Variants in RRN3 observed in about 807,000 individuals in gnomAD.
The protein encoded by RRN3 is RNA polymerase I-specific transcription initiation factor RRN3.
In RRN3, 38 loss-of-function variants were observed where a neutral mutation model predicts 82.3. The ratio of observed to expected loss-of-function variants is 0.46; its 90% CI spans 0.36 to 0.61. The LOEUF is 0.61. Ranked by LOEUF, RRN3 falls within the 20% of genes least tolerant of loss-of-function variation. The pLI is 0.00. For missense variants in RRN3, 726 were observed against 793.1 expected (o/e 0.92, Z 1.02); for synonymous variants, 284 against 284.3 (o/e 1.00, Z 0.01).
chr16:15,074,900 C>G, intron 10 of RRN3, 39 bp from the exon 11 acceptor site: 1 of 1,571,270 alleles, frequency 6.4e-7, no homozygotes. Flanking sequence ...TTAAAAAATT[C>G]AATGTCAAAG....
At chr16:15,092,270 G>A (rs1040181416) in intron 2 of RRN3, among the ~76,000 whole-genome samples, 1 of 152,134 alleles carries the variant, frequency 6.6e-6, no homozygotes, top group Non-Finnish European at 1.5e-5. Context: ...ATTTGAAGAG[G>A]TGAAACCTCA....
At chr16:15,078,134 G>T (rs1272176871) in intron 9 of RRN3, among the ~76,000 whole-genome samples, 1 of 152,132 alleles carries the variant, frequency 6.6e-6, no homozygotes, top group Non-Finnish European at 1.5e-5. Context: ...TGTTCCTTAA[G>T]TATATACCAG....
intron 1 of RRN3, among the ~76,000 whole-genome samples, chr16:15,093,135 G>T (rs1005740047): frequency 6.6e-6 from 1 of 152,070 alleles, no homozygotes. Flanking sequence ...CTCCTGAGTA[G>T]CTGGGATTAC....
At chr16:15,083,753 G>C (rs935244802) in intron 7 of RRN3, 171 bp from the exon 8 acceptor site, 5 of 828,486 alleles carry the variant, frequency 6.0e-6, no homozygotes, top group African/African-American at 5.2e-5. Context: ...TTTCGCTCTT[G>C]TTGCCCAGGC....
At position 15,060,955 on chromosome 16, in the gene RRN3, T is replaced by C. The variant is rs1205912626; in HGVS notation, c.*789A>G. ...AGCCAAGGGGTCAAATCCAATCTCA[T>C]GTGTTTTACACAAGCCCGAACTCAC... On this transcript the variant is annotated 3_prime_UTR_variant, in exon 18 of 18. Coordinates refer to ENST00000198767, the MANE Select transcript of RRN3 (RefSeq NM_018427.5). 1 of 152,272 alleles carries C rather than the reference T, an allele frequency of 6.6e-6. No homozygotes were observed. The highest frequency in any genetic ancestry group is 6.5e-5 in the Admixed American group (1 of 15,292). 9.4% of individuals were successfully genotyped at this position (152,272 alleles called of 1,614,324 possible). A position where few individuals can be genotyped will look rare whatever the true frequency, so the allele number is the denominator to read the frequency against.
chr16:15,064,618 A>G (rs1277733080), intron 16 of RRN3, among the ~76,000 whole-genome samples: 2 of 152,212 alleles, frequency 1.3e-5, no homozygotes, highest in Non-Finnish European at 2.9e-5. Context: ...TTAACCTTAC[A>G]TGTTTAAATA....
At chr16:15,093,305 A>C (rs2046215208) in intron 1 of RRN3, among the ~76,000 whole-genome samples, 1 of 152,168 alleles carries the variant, frequency 6.6e-6, no homozygotes, top group Non-Finnish European at 1.5e-5. Flanking sequence ...CGCCCGGCCT[A>C]GATTTTTGTC....
intron 3 of RRN3, among the ~76,000 whole-genome samples, chr16:15,089,987 T>C (rs1313020581): frequency 6.6e-6 from 1 of 151,430 alleles, no homozygotes; most frequent in Non-Finnish European, 1.5e-5. Flanking sequence ...GGCGGGCAGG[T>C]CACCTGAGGT....
chr16:15,077,322 G>A (rs1234381468), intron 9 of RRN3, among the ~76,000 whole-genome samples: 2 of 152,148 alleles, frequency 1.3e-5, no homozygotes, highest in Admixed American at 6.5e-5. Flanking sequence ...AGTCACACAT[G>A]TTGCTGGGGG....
chr16:15,089,373 A>G (rs1171544719), intron 3 of RRN3, among the ~76,000 whole-genome samples: 3 of 152,272 alleles, frequency 2.0e-5, no homozygotes, highest in Admixed American at 1.3e-4. Flanking sequence ...ATTAGGACAC[A>G]GGTAGATTTC....
At chr16:15,083,465 T>C (rs1324786503) in intron 8 of RRN3, 48 bp downstream of exon 8, 5 of 1,604,710 alleles carry the variant, frequency 3.1e-6, no homozygotes, top group Admixed American at 3.4e-5. Context: ...TAAAATGAAA[T>C]CGTACAAACA....
At chr16:15,083,905 G>A (rs963437943) in intron 7 of RRN3, among the ~76,000 whole-genome samples, 2 of 152,080 alleles carry the variant, frequency 1.3e-5, no homozygotes, top group South Asian at 4.2e-4. Context: ...TAGTAGAGAC[G>A]GGGTTTCTCC....
chr16:15,079,497 C>T (rs1245658253), intron 9 of RRN3, among the ~76,000 whole-genome samples: 7 of 152,154 alleles, frequency 4.6e-5, no homozygotes, highest in African/African-American at 1.2e-4. Context: ...ATGTATTTAA[C>T]GCCTTGTTCT....
intron 3 of RRN3, among the ~76,000 whole-genome samples, chr16:15,087,588 G>C (rs1179546063): frequency 1.3e-5 from 2 of 152,064 alleles, no homozygotes; most frequent in African/African-American, 2.4e-5. Flanking sequence ...ATTTTCTGAT[G>C]AAATCCCAAG....
chr16:15,061,044 G>A lies in RRN3; in HGVS notation c.*700C>T, dbSNP rs932861697. 2.0e-5 allele frequency: 3 copies of A among 151,978 alleles called. No individual in the cohort carries two copies. Among genetic ancestry groups the A allele is most frequent in the Admixed American group, 2.0e-4 (3 of 15,264 alleles). 9.4% of individuals were successfully genotyped at this position (151,978 alleles called of 1,614,324 possible). ...TTTTGTCTTTTAAATCCATTTTTTC[G>A]CTGTGCCAAGTATATTACACATCTG... On this transcript the variant is annotated 3_prime_UTR_variant, in exon 18 of 18. Coordinates refer to ENST00000198767, the MANE Select transcript of RRN3 (RefSeq NM_018427.5).
intron 7 of RRN3, 92 bp from the exon 8 acceptor site, chr16:15,083,674 T>C (rs1423881255): frequency 6.4e-7 from 1 of 1,557,070 alleles, no homozygotes. Flanking sequence ...CAAATATTGA[T>C]AGACATAGGA....
chr16:15,061,671 C>A lies in RRN3; in HGVS notation c.*73G>T. ...TCAATGCCATCAATGCCCAATGGCA[C>A]AAGCTGGGTGCTGAGGGCATGACAA... On this transcript the variant is annotated 3_prime_UTR_variant, in exon 18 of 18. Coordinates refer to ENST00000198767, the MANE Select transcript of RRN3 (RefSeq NM_018427.5). 1 of 1,461,118 alleles carries A rather than the reference C, an allele frequency of 6.8e-7. No individual in the cohort carries two copies. The highest frequency in any genetic ancestry group is 9.4e-7 in the Non-Finnish European group (1 of 1,060,626). 90.5% of individuals were successfully genotyped at this position (1,461,118 alleles called of 1,614,324 possible).
intron 15 of RRN3, among the ~76,000 whole-genome samples, chr16:15,065,771 T>A (rs1158793639): frequency 1.3e-5 from 2 of 152,064 alleles, no homozygotes; most frequent in Non-Finnish European, 2.9e-5. Flanking sequence ...AGGTTGGTGG[T>A]AAAGGGATTC....
chr16:15,082,540 C>G (rs1444758592), intron 8 of RRN3, among the ~76,000 whole-genome samples: 1 of 151,814 alleles, frequency 6.6e-6, no homozygotes, highest in Non-Finnish European at 1.5e-5. Flanking sequence ...GGGTGTGGTG[C>G]CCCATGTCTA....
Sources: allele counts gnomAD v4.1 joint callset (sites outside exome capture counted in the v4.1 genomes callset), GRCh38; gene constraint gnomAD v4.1.1; transcripts MANE v1.5; gene names NCBI Gene and HGNC (gene_info 2026-07-23, HGNC 2026-07-21).